DMD: variants seen among roughly 807,000 people sequenced by gnomAD.
The protein encoded by DMD is mutant dystrophin.
DMD carries 63 observed loss-of-function variants against 330.1 expected under a neutral mutation model. The observed-to-expected ratio is 0.19, with a 90% CI of 0.16 to 0.24. The LOEUF (loss-of-function observed/expected upper bound fraction) is 0.24. DMD is among the 10% of genes least tolerant of loss of function. The probability of loss-of-function intolerance (pLI) is 1.00; values close to 1 mark genes in which losing one functional copy is unlikely to be tolerated. For missense variants in DMD, 3,344 were observed against 2,684.1 expected (o/e 1.25, Z -5.43); for synonymous variants, 1,223 against 959.8 (o/e 1.27, Z -5.07).
At chrX:33,010,481 A>G (rs928276218) in intron 2 of DMD, among the ~76,000 whole-genome samples, 1 of 110,301 alleles carries the variant, frequency 9.1e-6, no homozygotes, top group African/African-American at 3.3e-5. Context: ...GACATGACAC[A>G]CAAAGGAAAT....
intron 2 of DMD, among the ~76,000 whole-genome samples, chrX:32,925,060 A>T: frequency 9.2e-6 from 1 of 108,346 alleles, no homozygotes; most frequent in Non-Finnish European, 1.9e-5. Context: ...TGGTTTTGGT[A>T]ATAATGTTTA....
At chrX:31,653,063 T>C (rs2080553432) in intron 54 of DMD, among the ~76,000 whole-genome samples, 2 of 111,182 alleles carry the variant, frequency 1.8e-5, no homozygotes, top group South Asian at 3.8e-4. Flanking sequence ...GTAAAAGAGA[T>C]CTAGTGTTTA....
intron 55 of DMD, among the ~76,000 whole-genome samples, chrX:31,536,751 C>T (rs762250073): frequency 4.5e-5 from 5 of 111,871 alleles, no homozygotes; most frequent in South Asian, 7.4e-4. Context: ...AGAAGCTGTA[C>T]TTTCCTTCCT....
chrX:32,190,318 ACTG>A (rs758185603), intron 44 of DMD, among the ~76,000 whole-genome samples: 19 of 109,247 alleles, frequency 1.7e-4, no homozygotes, highest in Non-Finnish European at 3.2e-4. Flanking sequence ...ACACCCATTC[ACTG>A]CTTTCACCAC....
intron 50 of DMD, among the ~76,000 whole-genome samples, chrX:31,807,768 G>T (rs779997186): frequency 9.0e-6 from 1 of 111,465 alleles, no homozygotes; most frequent in Non-Finnish European, 1.9e-5. Flanking sequence ...ATGTACAAAA[G>T]CATGCACAAT....
In DMD at chrX:31,121,426, T is replaced by TTGTG. The variant is rs763028610; in HGVS notation, c.*489_*492dup. 6.4e-4 allele frequency: 66 copies of TTGTG among 103,110 alleles called. No individual in the cohort carries two copies. The highest frequency in any genetic ancestry group is 8.2e-4 in the African/African-American group (18 of 22,069). The allele number at this position is 103,110 out of a possible 1,213,427, so 8.5% of individuals were successfully genotyped here. A position where few individuals can be genotyped will look rare whatever the true frequency, so the allele number is the denominator to read the frequency against. Reference sequence around the variant, plus strand: ...CAAAACAATGCGCTGCCTCAAAGTTTTGTGTGTGTGTGTGTATGTGTGTGT... The same window carrying TTGTG: ...CAAAACAATGCGCTGCCTCAAAGTTTTGTGTGTGTGTGTGTGTGTATGTGTGTGT... On this transcript the variant is annotated 3_prime_UTR_variant, in exon 79 of 79. Transcript: ENST00000357033.
chrX:31,990,643 T>C (rs1019942476), intron 44 of DMD, among the ~76,000 whole-genome samples: 4 of 112,229 alleles, frequency 3.6e-5, no homozygotes, highest in Non-Finnish European at 7.5e-5. Flanking sequence ...AACAAATAGT[T>C]CAATTACTCA....
At chrX:31,344,003 G>T (rs1416192432) in intron 61 of DMD, among the ~76,000 whole-genome samples, 1 of 96,917 alleles carries the variant, frequency 1.0e-5, no homozygotes, top group Admixed American at 1.2e-4. Context: ...TAAATTTAGG[G>T]TCAGGGTCTT....
At chrX:31,998,397 T>A (rs1291387458) in intron 44 of DMD, among the ~76,000 whole-genome samples, 1 of 111,882 alleles carries the variant, frequency 8.9e-6, no homozygotes, top group Non-Finnish European at 1.9e-5. Flanking sequence ...TCAACTCAAA[T>A]GTTACCCAGA....
At chrX:32,651,168 G>C (rs1311158873) in intron 9 of DMD, among the ~76,000 whole-genome samples, 1 of 109,652 alleles carries the variant, frequency 9.1e-6, no homozygotes, top group African/African-American at 3.3e-5. Flanking sequence ...TTGAGATTGA[G>C]TATTGCTCTT....
intron 30 of DMD, among the ~76,000 whole-genome samples, chrX:32,397,162 G>C (rs1392079784): frequency 1.8e-5 from 2 of 111,469 alleles, no homozygotes; most frequent in Admixed American, 9.6e-5. Flanking sequence ...CTCTCTACTT[G>C]TCTACTAGAT....
rs144602977 is a variant in DMD at position 31,658,771 on chromosome X, G to A, written c.7873-627C>T. On this transcript the variant is annotated intron_variant, in intron 53 of 78. Transcript: ENST00000357033. ...CGTTGTTTGTCTTTGGCAATTCAGT[G>A]TTTTCAAACTTGCTATCTCATCACT... Among the ~76,000 whole-genome samples, 762 of 112,346 alleles carry A rather than the reference G, an allele frequency of 6.8e-3. 4 individuals carry two copies. The highest frequency in any genetic ancestry group is 0.023 in the African/African-American group (709 of 30,949).
At chrX:31,879,216 G>T (rs2094018761) in intron 47 of DMD, among the ~76,000 whole-genome samples, 1 of 99,309 alleles carries the variant, frequency 1.0e-5, no homozygotes. Flanking sequence ...TGGCGGGGGG[G>T]GGCCTCACAA....
intron 47 of DMD, among the ~76,000 whole-genome samples, chrX:31,926,690 A>T (rs926028025): frequency 7.2e-5 from 8 of 111,375 alleles, no homozygotes; most frequent in African/African-American, 1.6e-4. Flanking sequence ...AATAAATAAA[A>T]AAAAAAATAA....
At chrX:33,235,708 T>G (rs781009775) in intron 1 of DMD, among the ~76,000 whole-genome samples, 5 of 109,873 alleles carry the variant, frequency 4.6e-5, no homozygotes, top group Non-Finnish European at 9.5e-5. Flanking sequence ...ACACAGCTAG[T>G]CAATGGTAGA....
At chrX:31,513,324 T>C (rs1486118534) in intron 55 of DMD, among the ~76,000 whole-genome samples, 1 of 105,332 alleles carries the variant, frequency 9.5e-6, no homozygotes, top group East Asian at 2.9e-4. Flanking sequence ...GAATACCCTT[T>C]ATTTCCTTCT....
intron 11 of DMD, among the ~76,000 whole-genome samples, chrX:32,627,691 A>G (rs7064916): frequency 0.25 from 27,308 of 110,059 alleles, 5,277 homozygotes; most frequent in African/African-American, 0.67. Context: ...GATTAACTTT[A>G]TATCTATTAT....
intron 55 of DMD, among the ~76,000 whole-genome samples, chrX:31,544,424 A>G (rs1463619265): frequency 2.7e-5 from 3 of 110,038 alleles, no homozygotes. Context: ...GGTCACTCTC[A>G]CCTTCCCCTT....
At chrX:32,644,510 T>A (rs1287058318) in intron 10 of DMD, among the ~76,000 whole-genome samples, 197 bp from the exon 11 acceptor site, 1 of 110,461 alleles carries the variant, frequency 9.1e-6, no homozygotes, top group Non-Finnish European at 1.9e-5. Flanking sequence ...AGTCAAGTTC[T>A]TCAGAAGCAG....
Sources: gnomAD v4.1 joint callset for allele counts (sites outside exome capture counted in the v4.1 genomes callset) on GRCh38, gnomAD v4.1.1 for gene constraint, MANE v1.5 for transcripts, NCBI Gene and HGNC (gene_info 2026-07-23, HGNC 2026-07-21) for gene names.